The following CFAP36 variants were observed in gnomAD, a reference collection of about 807,000 sequenced individuals.
CFAP36 encodes the protein cilia- and flagella-associated protein 36.
CFAP36 carries 37 observed loss-of-function variants against 50.5 expected under a neutral mutation model. The ratio of observed to expected loss-of-function variants is 0.73; its 90% CI spans 0.56 to 0.96. The LOEUF (loss-of-function observed/expected upper bound fraction) is 0.96, where lower values mean the gene tolerates loss of function less well. Ranked by LOEUF, CFAP36 falls within the 50% of genes least tolerant of loss-of-function variation. The pLI, the probability that CFAP36 is intolerant of heterozygous loss-of-function variation, is 0.00. For missense variants in CFAP36, 407 were observed against 396.2 expected (o/e 1.03, Z -0.23); for synonymous variants, 138 against 128.2 (o/e 1.08, Z -0.52).
chr2:55,542,344 A>C (rs890924897), intron 7 of CFAP36, among the ~76,000 whole-genome samples: 5 of 152,234 alleles, frequency 3.3e-5, no homozygotes, highest in Non-Finnish European at 5.9e-5. Context: ...AAATGCGCAT[A>C]TCTGATATTT....
At chr2:55,537,989 A>T (rs1157813463) in intron 7 of CFAP36, among the ~76,000 whole-genome samples, 1 of 152,248 alleles carries the variant, frequency 6.6e-6, no homozygotes, top group Non-Finnish European at 1.5e-5. Flanking sequence ...TGAATTAAGT[A>T]CAGCTAGAAA....
chr2:55,528,421 G>A (rs1253801061), intron 3 of CFAP36, among the ~76,000 whole-genome samples: 4 of 150,768 alleles, frequency 2.7e-5, no homozygotes, highest in Non-Finnish European at 5.9e-5. Context: ...TTGAGACGGA[G>A]TCTTGCTCTG....
At chr2:55,543,809 A>G (rs1337243932) in intron 7 of CFAP36, 129 bp from the exon 8 acceptor site, 5 of 884,100 alleles carry the variant, frequency 5.7e-6, no homozygotes, top group Non-Finnish European at 9.0e-6. Flanking sequence ...GGCACTGAAT[A>G]TATGTTGACT....
At chr2:55,542,118 A>T (rs1684653340) in intron 7 of CFAP36, among the ~76,000 whole-genome samples, 1 of 152,146 alleles carries the variant, frequency 6.6e-6, no homozygotes, top group South Asian at 2.1e-4. Context: ...TGCTGACCCA[A>T]ATTAACTTTG....
intron 4 of CFAP36, among the ~76,000 whole-genome samples, chr2:55,530,146 C>T (rs1242651407): frequency 1.3e-5 from 2 of 152,112 alleles, no homozygotes; most frequent in Admixed American, 1.3e-4. Context: ...AGGTGTTCCC[C>T]ATGCTGTTCT....
At chr2:55,537,337 C>T in intron 6 of CFAP36, 146 bp from the exon 7 acceptor site, 1 of 545,954 alleles carries the variant, frequency 1.8e-6, no homozygotes. Context: ...CACTACTGCA[C>T]TCCAGTCTGG....
At chr2:55,529,644 G>C (rs903482838) in intron 4 of CFAP36, among the ~76,000 whole-genome samples, 4 of 131,640 alleles carry the variant, frequency 3.0e-5, no homozygotes, top group African/African-American at 1.1e-4. Context: ...GGAAGCAGTG[G>C]TTCTTTTTTT....
At chr2:55,539,548 A>G (rs1400223450) in intron 7 of CFAP36, 2 of 152,194 alleles carry the variant, frequency 1.3e-5, no homozygotes, top group Admixed American at 6.5e-5. Flanking sequence ...GTTGCTTCCA[A>G]GTTTTGACAA....
At position 55,523,755 on chromosome 2, in the gene CFAP36, T is replaced by C. The variant is rs752687316; in HGVS notation, c.215T>C (p.Ile72Thr). 11 of 1,607,716 alleles carry C rather than the reference T, an allele frequency of 6.8e-6. No homozygotes were observed. Among genetic ancestry groups the C allele is most frequent in the Admixed American group, 3.4e-5 (2 of 59,698 alleles). Reference protein sequence around the residue: ...EKLLEGYLKEIGINEDQFQEA... With the variant: ...EKLLEGYLKETGINEDQFQEA... Reference sequence around the variant, plus strand: ...CTGTTAGAAGGTTACCTCAAAGAAATTGGAATTAATGAAGATCAATTTCAA... The same window carrying C: ...CTGTTAGAAGGTTACCTCAAAGAAACTGGAATTAATGAAGATCAATTTCAA... The change falls in exon 3 of 10, where the codon ATT (isoleucine) becomes ACT (threonine). Residue 72 changes from isoleucine to threonine, a missense_variant. Ile to Thr is a moderately conservative substitution (Grantham distance 89). Coordinates refer to ENST00000349456, the MANE Select transcript of CFAP36 (RefSeq NM_080667.7).
intron 4 of CFAP36, among the ~76,000 whole-genome samples, chr2:55,532,113 G>T (rs1367514166): frequency 6.6e-6 from 1 of 151,844 alleles, no homozygotes; most frequent in Non-Finnish European, 1.5e-5. Context: ...GATCGCTTAA[G>T]CCCAGCCTCA....
At chr2:55,526,100 C>G (rs1229366907) in intron 3 of CFAP36, among the ~76,000 whole-genome samples, 1 of 152,228 alleles carries the variant, frequency 6.6e-6, no homozygotes, top group Non-Finnish European at 1.5e-5. Context: ...GCTGCTTATT[C>G]TAAAGTCAGA....
chr2:55,529,124 A>T, intron 4 of CFAP36, 132 bp downstream of exon 4: 1 of 666,500 alleles, frequency 1.5e-6, no homozygotes, highest in Non-Finnish European at 2.5e-6. Context: ...AGCTGACTTG[A>T]GATTTTAGAG....
At chr2:55,528,639 G>C (rs895769370) in intron 3 of CFAP36, among the ~76,000 whole-genome samples, 1 of 152,058 alleles carries the variant, frequency 6.6e-6, no homozygotes, top group Non-Finnish European at 1.5e-5. Flanking sequence ...CAAGTGTTCT[G>C]CCTGCCTCAG....
chr2:55,538,295 C>CTTT lies in CFAP36; in HGVS notation c.640+724_640+726dup, dbSNP rs35529401. Among the ~76,000 whole-genome samples the CTTT allele has an allele frequency of 1.0e-3, 139 of 132,880 alleles. 1 individual carries two copies. The highest frequency in any genetic ancestry group is 2.4e-3 in the African/African-American group (86 of 36,198). 87.2% of individuals were successfully genotyped at this position (132,880 alleles called of 152,430 possible). ...ATTATAATCCTTGTTTTTCTTTTAT[C>CTTT]TTTTTTTTTTTTTTTTGAGTCAGAG... is the stretch of plus-strand genomic sequence containing the variant. On this transcript the variant is annotated intron_variant, in intron 7 of 9. Transcript: ENST00000349456.
intron 6 of CFAP36, chr2:55,535,980 A>G (rs949516322): frequency 5.5e-6 from 5 of 910,846 alleles, no homozygotes; most frequent in Non-Finnish European, 7.4e-6. Flanking sequence ...ACTTAACTGT[A>G]TATAGTACAA....
intron 7 of CFAP36, chr2:55,539,125 C>T (rs1018874670): frequency 2.6e-5 from 6 of 230,732 alleles, no homozygotes; most frequent in Middle Eastern, 1.5e-3. Flanking sequence ...ACATTACCAA[C>T]CAAAGAGCAT....
chr2:55,529,115 G>T, intron 4 of CFAP36, 123 bp downstream of exon 4: 1 of 695,620 alleles, frequency 1.4e-6, no homozygotes, highest in Admixed American at 3.1e-5. Flanking sequence ...AAAGACTTCA[G>T]CTGACTTGAG....
intron 4 of CFAP36, among the ~76,000 whole-genome samples, chr2:55,530,348 C>A (rs1684323890): frequency 6.6e-6 from 1 of 152,138 alleles, no homozygotes; most frequent in Admixed American, 6.5e-5. Context: ...GTGTAAATTG[C>A]CCAGTCTCGG....
intron 7 of CFAP36, chr2:55,538,823 A>G: frequency 6.5e-7 from 1 of 1,540,358 alleles, no homozygotes. Context: ...TGGTGAAATT[A>G]TGACTTACCT....
Sources: gnomAD v4.1 joint callset for allele counts (sites outside exome capture counted in the v4.1 genomes callset) on GRCh38, gnomAD v4.1.1 for gene constraint, MANE v1.5 for transcripts, NCBI Gene and HGNC (gene_info 2026-07-23, HGNC 2026-07-21) for gene names.